The following GMPS variants were observed in gnomAD, a reference collection of about 807,000 sequenced individuals.
The protein encoded by GMPS is GMP synthase [glutamine-hydrolyzing].
GMPS carries 15 observed loss-of-function variants against 77.9 expected under a neutral mutation model. The observed-to-expected ratio is 0.19, with a 90% CI of 0.13 to 0.30. GMPS has a LOEUF of 0.30. GMPS is among the 10% of genes least tolerant of loss of function. The pLI is 1.00. For synonymous variants in GMPS, 224 were observed against 275.9 expected, an observed-to-expected ratio of 0.81 and a Z score of 1.86; for missense variants, 590 against 838.8, an observed-to-expected ratio of 0.70 and a Z score of 3.66.
chr3:155,928,146 C>T (rs1397912325), intron 12 of GMPS, among the ~76,000 whole-genome samples: 2 of 149,896 alleles, frequency 1.3e-5, no homozygotes, highest in Non-Finnish European at 2.9e-5. Context: ...CCTGTTGCAG[C>T]CTCCTGTGTA....
intron 11 of GMPS, among the ~76,000 whole-genome samples, chr3:155,924,831 C>G (rs532623995): frequency 6.6e-6 from 1 of 151,932 alleles, no homozygotes; most frequent in Non-Finnish European, 1.5e-5. Context: ...ACAGGCATTA[C>G]TAATACCTAG....
At chr3:155,888,455 G>A (rs1485386221) in intron 1 of GMPS, among the ~76,000 whole-genome samples, 1 of 151,244 alleles carries the variant, frequency 6.6e-6, no homozygotes, top group African/African-American at 2.4e-5. Flanking sequence ...TTTGAGACAG[G>A]ATCTCACTCT....
chr3:155,875,132 G>C (rs534051224), intron 1 of GMPS, among the ~76,000 whole-genome samples: 2 of 152,086 alleles, frequency 1.3e-5, no homozygotes, highest in Non-Finnish European at 2.9e-5. Flanking sequence ...TGGCCAGGCT[G>C]GTCTCTAACC....
At chr3:155,922,007 A>G (rs915857713) in intron 10 of GMPS, among the ~76,000 whole-genome samples, 180 bp from the exon 11 acceptor site, 8 of 152,192 alleles carry the variant, frequency 5.3e-5, no homozygotes, top group African/African-American at 1.9e-4. Context: ...ATGTTGAAGC[A>G]TTCTAAAAAA....
chr3:155,918,659 G>A (rs2108117483), intron 9 of GMPS, among the ~76,000 whole-genome samples: 1 of 152,118 alleles, frequency 6.6e-6, no homozygotes, highest in East Asian at 1.9e-4. Flanking sequence ...TATAAGTGTA[G>A]GTTTGTTACA....
chr3:155,913,817 G>A (rs1312914440), intron 7 of GMPS, among the ~76,000 whole-genome samples: 2 of 151,922 alleles, frequency 1.3e-5, no homozygotes, highest in Non-Finnish European at 1.5e-5. Flanking sequence ...CACCGTGCCG[G>A]CCCTAATCAG....
At position 155,898,075 on chromosome 3, in the gene GMPS, A is replaced by T. The variant is rs372874864; in HGVS notation, c.324+34A>T. 1.3e-5 allele frequency: 13 copies of T among 999,200 alleles called. No homozygotes were observed. In the African/African-American group the frequency reaches 2.1e-4, roughly 16 times the overall value. 61.9% of individuals were successfully genotyped at this position (999,200 alleles called of 1,614,324 possible). On this transcript the variant is annotated intron_variant, in intron 3 of 15. Coordinates refer to ENST00000496455, the MANE Select transcript of GMPS (RefSeq NM_003875.3). ...GCAAATTTGTTTTGAAAGCTTACTT[A>T]TATTTTATTCTGTTTGTGAGTCATA... is the stretch of plus-strand genomic sequence containing the variant.
In GMPS at chr3:155,943,174, T is replaced by G; in HGVS notation, c.*5482T>G. On this transcript the variant is annotated 3_prime_UTR_variant, in exon 16 of 16. Coordinates refer to ENST00000496455, the MANE Select transcript of GMPS (RefSeq NM_003875.3). Reference sequence around the variant, plus strand: ...TAAACCCGGGAGATGGAGGTTGCAGTGAGCAGAGATTGCGCCACTGCACTC... The same window carrying G: ...TAAACCCGGGAGATGGAGGTTGCAGGGAGCAGAGATTGCGCCACTGCACTC... 5.6e-6 allele frequency: 1 copy of G among 177,764 alleles called. No homozygotes were observed. The highest frequency in any genetic ancestry group is 1.2e-5 in the Non-Finnish European group (1 of 82,740). The allele number at this position is 177,764 out of a possible 1,614,324, so 11.0% of individuals were successfully genotyped here.
chr3:155,894,807 G>A (rs1217322427), intron 2 of GMPS, among the ~76,000 whole-genome samples: 3 of 152,116 alleles, frequency 2.0e-5, no homozygotes, highest in Non-Finnish European at 4.4e-5. Context: ...TATAAAAGGC[G>A]GGCTTAAATT....
At chr3:155,877,061 C>T (rs906303577) in intron 1 of GMPS, among the ~76,000 whole-genome samples, 1 of 152,130 alleles carries the variant, frequency 6.6e-6, no homozygotes, top group Non-Finnish European at 1.5e-5. Flanking sequence ...TAATTTCTAC[C>T]TCATTTGCAA....
In GMPS at chr3:155,916,119, T is replaced by A. The variant is rs906468663; in HGVS notation, c.1139T>A (p.Val380Asp). 1.2e-6 allele frequency: 2 copies of A among 1,613,336 alleles called. No individual in the cohort carries two copies. The highest frequency in any genetic ancestry group is 1.7e-6 in the Non-Finnish European group (2 of 1,179,334). ...GATCTAATTGAAAGTGCATCCCTTGTTGCAAGTGGCAAAGCTGAACTCATC... is the reference window on the plus strand; with the variant it reads ...GATCTAATTGAAAGTGCATCCCTTGATGCAAGTGGCAAAGCTGAACTCATC... ...RPDLIESASLVASGKAELIKT... is the reference protein window; with the variant it reads ...RPDLIESASLDASGKAELIKT... Residue 380 changes from valine to aspartate, a missense_variant, in exon 9 of 16, where the codon GTT (valine) becomes GAT (aspartate). Around this residue, in one of 6 missense-constraint regions of GMPS, gnomAD observed 181 missense variants for 186.8 expected, o/e 0.97. Transcript: ENST00000496455.
intron 12 of GMPS, among the ~76,000 whole-genome samples, chr3:155,928,453 A>G (rs1268303583): frequency 2.6e-5 from 4 of 152,174 alleles, no homozygotes; most frequent in African/African-American, 4.8e-5. Flanking sequence ...ATTGCTTTTC[A>G]TAAAAAAAGC....
chr3:155,911,110 G>T lies in GMPS; in HGVS notation c.721-4G>T, dbSNP rs779764948. On this transcript the variant is annotated splice_polypyrimidine_tract_variant and splice_region_variant and intron_variant, in intron 6 of 15. Transcript: ENST00000496455. Reference sequence around the variant, plus strand: ...TCATTTTGATTTTTCATTTTACCCCGTAGGTTTTACTCAGTGGTGGAGTAG... The same window carrying T: ...TCATTTTGATTTTTCATTTTACCCCTTAGGTTTTACTCAGTGGTGGAGTAG... 4 of 1,584,094 alleles carry T rather than the reference G, an allele frequency of 2.5e-6. No homozygotes were observed. The highest frequency in any genetic ancestry group is 1.4e-5 in the African/African-American group (1 of 73,524).
chr3:155,888,153 C>T (rs577870872), intron 1 of GMPS, among the ~76,000 whole-genome samples: 8 of 151,294 alleles, frequency 5.3e-5, no homozygotes, highest in Admixed American at 4.6e-4. Flanking sequence ...CTCAAGTAAT[C>T]CCCCCTCCTT....
chr3:155,911,343 A>G (rs1229851471), intron 7 of GMPS, 64 bp downstream of exon 7: 12 of 979,862 alleles, frequency 1.2e-5, no homozygotes, highest in African/African-American at 4.9e-5. Context: ...ATCTAGTCTT[A>G]TGGTTTAAAT....
chr3:155,915,951 A>G (rs1755166317), intron 8 of GMPS, 68 bp from the exon 9 acceptor site: 2 of 1,001,120 alleles, frequency 2.0e-6, no homozygotes, highest in Non-Finnish European at 1.5e-6. Context: ...GATTTAGCTG[A>G]AAGTATAAAC....
chr3:155,915,520 A>C (rs1428135008), intron 8 of GMPS, among the ~76,000 whole-genome samples: 1 of 151,794 alleles, frequency 6.6e-6, no homozygotes, highest in East Asian at 1.9e-4. Flanking sequence ...TCCTGCCTCA[A>C]CTTCCTGAGT....
chr3:155,883,849 T>A (rs1010448268), intron 1 of GMPS, among the ~76,000 whole-genome samples: 1 of 152,134 alleles, frequency 6.6e-6, no homozygotes, highest in African/African-American at 2.4e-5. Flanking sequence ...AACTTTTCCT[T>A]CTAATATTTT....
At chr3:155,877,719 A>G (rs982021395) in intron 1 of GMPS, among the ~76,000 whole-genome samples, 3 of 151,630 alleles carry the variant, frequency 2.0e-5, no homozygotes, top group African/African-American at 7.3e-5. Flanking sequence ...AAATCAAGGG[A>G]CCTGCAGATT....
Sources: gnomAD v4.1 joint callset for allele counts (sites outside exome capture counted in the v4.1 genomes callset) on GRCh38, gnomAD v4.1.1 for gene constraint, gnomAD v4.1.1 regional missense constraint, MANE v1.5 for transcripts, NCBI Gene and HGNC (gene_info 2026-07-23, HGNC 2026-07-21) for gene names.